The following HDAC9 variants were observed in gnomAD, a reference collection of about 807,000 sequenced individuals.
HDAC9 encodes the protein histone deacetylase 9.
HDAC9 carries 41 observed loss-of-function variants against 139.4 expected under a neutral mutation model. The ratio of observed to expected loss-of-function variants is 0.29; its 90% CI spans 0.23 to 0.38. The LOEUF is 0.38. Among genes scored for constraint, HDAC9 ranks in the 10% least tolerant of loss-of-function variants. The probability of loss-of-function intolerance (pLI) is 1.00; values close to 1 mark genes in which losing one functional copy is unlikely to be tolerated. For synonymous variants in HDAC9, 517 were observed against 476.2 expected (o/e 1.09, Z -1.12); for missense variants, 1,147 against 1,297.0 (o/e 0.88, Z 1.78).
intron 1 of HDAC9, among the ~76,000 whole-genome samples, chr7:18,088,528 C>T (rs1485220349): frequency 6.6e-6 from 1 of 152,138 alleles, no homozygotes; most frequent in Admixed American, 6.5e-5. Context: ...TTTGAAAAGG[C>T]CTGGATGTTT....
At chr7:18,917,060 T>G (rs1803272866) in intron 22 of HDAC9, among the ~76,000 whole-genome samples, 2 of 152,056 alleles carry the variant, frequency 1.3e-5, no homozygotes, top group African/African-American at 4.8e-5. Flanking sequence ...ACACTTCAGT[T>G]TCAATATGCT....
chr7:18,142,297 T>A (rs534571974), intron 1 of HDAC9, among the ~76,000 whole-genome samples: 1 of 152,280 alleles, frequency 6.6e-6, no homozygotes, highest in South Asian at 2.1e-4. Context: ...ACCCTTGAAA[T>A]ACGTTGTGTT....
intron 9 of HDAC9, among the ~76,000 whole-genome samples, chr7:18,646,391 A>G (rs1424522423): frequency 6.6e-6 from 1 of 152,146 alleles, no homozygotes; most frequent in East Asian, 1.9e-4. Context: ...GAATAAACCA[A>G]TGTGGTTTGG....
rs186132772 is a variant in HDAC9 at position 18,908,475 on chromosome 7, C to T, written c.2804-27334C>T. Among the ~76,000 whole-genome samples the T allele has an allele frequency of 2.2e-3, 340 of 152,136 alleles. 1 individual carries two copies. The highest frequency in any genetic ancestry group is 2.7e-3 in the Non-Finnish European group (185 of 67,934). ...GTAGTCACTCTACAGTGTTGTAAAACGCTAGAAGGTATTCCTCCTATCTAC... is the reference window on the plus strand; with the variant it reads ...GTAGTCACTCTACAGTGTTGTAAAATGCTAGAAGGTATTCCTCCTATCTAC... On this transcript the variant is annotated intron_variant, in intron 22 of 25. Transcript: ENST00000686413.
At chr7:18,957,929 G>A (rs890383028) in intron 24 of HDAC9, among the ~76,000 whole-genome samples, 9 of 152,118 alleles carry the variant, frequency 5.9e-5, no homozygotes, top group African/African-American at 2.2e-4. Context: ...GTAGCATGTG[G>A]GAAACATTCA....
intron 2 of HDAC9, among the ~76,000 whole-genome samples, chr7:18,187,052 C>A: frequency 6.6e-6 from 1 of 152,188 alleles, no homozygotes. Context: ...ACCCTATGAT[C>A]TTTTCTCAGT....
chr7:18,409,978 C>T (rs1195907647), intron 1 of HDAC9, among the ~76,000 whole-genome samples: 3 of 151,766 alleles, frequency 2.0e-5, no homozygotes, highest in Admixed American at 6.6e-5. Context: ...AGAAAGTATT[C>T]GTTTTATTTT....
chr7:18,415,502 C>G (rs1788968921), intron 1 of HDAC9, among the ~76,000 whole-genome samples: 1 of 152,138 alleles, frequency 6.6e-6, no homozygotes, highest in South Asian at 2.1e-4. Context: ...TAGTGTAATA[C>G]TTCATGTTTT....
At chr7:18,260,254 G>A (rs1412100346) in intron 2 of HDAC9, among the ~76,000 whole-genome samples, 2 of 150,182 alleles carry the variant, frequency 1.3e-5, no homozygotes, top group African/African-American at 4.9e-5. Context: ...TTTTAGTATT[G>A]CTGTTGAGAG....
intron 6 of HDAC9, among the ~76,000 whole-genome samples, chr7:18,616,858 G>A (rs1023186001): frequency 5.9e-5 from 9 of 152,150 alleles, no homozygotes; most frequent in Non-Finnish European, 1.5e-5. Flanking sequence ...GGGCTGTGAA[G>A]AGTTGAATAG....
At chr7:18,876,664 C>T (rs546944769) in intron 22 of HDAC9, among the ~76,000 whole-genome samples, 2 of 151,042 alleles carry the variant, frequency 1.3e-5, no homozygotes, top group South Asian at 4.2e-4. Flanking sequence ...GTATTTTTTC[C>T]ATTAAAAAGA....
chr7:18,574,102 C>T (rs904837336), intron 2 of HDAC9, among the ~76,000 whole-genome samples: 1 of 152,234 alleles, frequency 6.6e-6, no homozygotes, highest in Non-Finnish European at 1.5e-5. Context: ...TCTCAAGAGA[C>T]CCAAAGTGGG....
intron 1 of HDAC9, among the ~76,000 whole-genome samples, chr7:18,162,037 T>A (rs1787661475): frequency 6.6e-6 from 1 of 152,212 alleles, no homozygotes; most frequent in East Asian, 1.9e-4. Flanking sequence ...ATTCCTGTGC[T>A]ATAAGGGAGA....
In HDAC9 at chr7:18,195,691, A is replaced by G. The variant is rs558030728; in HGVS notation, c.25+33342A>G. On this transcript the variant is annotated intron_variant, in intron 2 of 12. Transcript: ENST00000417496. ...CTCAAGTCATGGACTTAGCATTTTC[A>G]CTGTTACAGACATTTTTGCTTCTGG... is the stretch of plus-strand genomic sequence containing the variant. 8.5e-5 allele frequency among the ~76,000 whole-genome samples: 13 copies of G among 152,184 alleles called. No individual in the cohort carries two copies. In the East Asian group the frequency reaches 2.5e-3, roughly 29 times the overall value.
chr7:18,258,951 C>CTTTTTTT (rs199607615), intron 2 of HDAC9, among the ~76,000 whole-genome samples: 7 of 98,368 alleles, frequency 7.1e-5, no homozygotes, highest in Non-Finnish European at 1.1e-4. Flanking sequence ...TCTTCTTCTC[C>CTTTTTTT]TTTTTTTTTT....
At chr7:18,423,479 G>A (rs567279418) in intron 1 of HDAC9, among the ~76,000 whole-genome samples, 11 of 152,282 alleles carry the variant, frequency 7.2e-5, no homozygotes, top group East Asian at 1.9e-4. Context: ...TAGATTTAAC[G>A]AAGCACTATT....
intron 16 of HDAC9, among the ~76,000 whole-genome samples, chr7:18,789,286 G>GCGCACACACACGCACACA (rs146066951): frequency 1.5e-3 from 220 of 148,500 alleles, no homozygotes; most frequent in African/African-American, 5.4e-3. Flanking sequence ...ACACATACAC[G>GCGCACACACACGCACACA]CACACACACA....
chr7:18,179,740 C>G (rs1397146672), intron 2 of HDAC9, among the ~76,000 whole-genome samples: 2 of 152,192 alleles, frequency 1.3e-5, no homozygotes, highest in African/African-American at 2.4e-5. Context: ...TCTGGAAACA[C>G]CTGTCATCTA....
At chr7:18,961,535 A>G (rs370523779) in intron 24 of HDAC9, among the ~76,000 whole-genome samples, 1 of 152,168 alleles carries the variant, frequency 6.6e-6, no homozygotes, top group South Asian at 2.1e-4. Context: ...CAATTTGGGG[A>G]GAAGGCAGTA....
Sources: gnomAD v4.1 joint callset for allele counts (sites outside exome capture counted in the v4.1 genomes callset) on GRCh38, gnomAD v4.1.1 for gene constraint, MANE v1.5 for transcripts, NCBI Gene and HGNC (gene_info 2026-07-23, HGNC 2026-07-21) for gene names.